MIER1: variants seen among roughly 807,000 people sequenced by gnomAD.
MIER1 encodes mesoderm induction early response protein 1.
Under a neutral mutation model 75.7 loss-of-function variants are expected in MIER1, and 40 were observed. The observed-to-expected ratio is 0.53, with a 90% CI of 0.41 to 0.69. MIER1 has a LOEUF of 0.69. Ranked by LOEUF, MIER1 falls within the 30% of genes least tolerant of loss-of-function variation. The pLI is 0.00. For missense variants in MIER1, 574 were observed against 680.2 expected, an observed-to-expected ratio of 0.84 and a Z score of 1.74; for synonymous variants, 213 against 223.4, an observed-to-expected ratio of 0.95 and a Z score of 0.42.
chr1:66,963,741 C>G (rs1478433723), intron 8 of MIER1, among the ~76,000 whole-genome samples: 2 of 152,050 alleles, frequency 1.3e-5, no homozygotes, highest in African/African-American at 4.8e-5. Context: ...AACCCCGTCT[C>G]TACTAAAAAT....
intron 2 of MIER1, among the ~76,000 whole-genome samples, chr1:66,927,738 T>C (rs1372699321): frequency 6.6e-6 from 1 of 152,080 alleles, no homozygotes; most frequent in Non-Finnish European, 1.5e-5. Flanking sequence ...GAGCAGCCTT[T>C]TTATGAGATA....
chr1:66,928,872 T>A, intron 2 of MIER1: 1 of 1,574,626 alleles, frequency 6.4e-7, no homozygotes, highest in African/African-American at 1.3e-5. Flanking sequence ...CTTCTTTCCC[T>A]TGCTTTTCTT....
intron 2 of MIER1, chr1:66,928,819 A>G: frequency 2.0e-6 from 2 of 997,638 alleles, no homozygotes; most frequent in South Asian, 2.9e-5. Context: ...AGTTAATGGT[A>G]AAAATTGTTT....
chr1:66,939,776 C>T (rs926639197), intron 2 of MIER1, among the ~76,000 whole-genome samples: 1 of 151,962 alleles, frequency 6.6e-6, no homozygotes, highest in African/African-American at 2.4e-5. Context: ...AATCTGAATT[C>T]TATACTATTG....
intron 8 of MIER1, among the ~76,000 whole-genome samples, chr1:66,965,816 T>C (rs2985797): frequency 0.78 from 118,981 of 152,060 alleles, 46,915 homozygotes; most frequent in East Asian, 0.88. Flanking sequence ...TTTCCCGGAC[T>C]GACCTTCCCA....
chr1:66,954,458 G>A (rs961957550), intron 4 of MIER1, among the ~76,000 whole-genome samples: 1 of 152,134 alleles, frequency 6.6e-6, no homozygotes. Context: ...TTTAGTTACT[G>A]TAAATGGTAT....
intron 11 of MIER1, among the ~76,000 whole-genome samples, chr1:66,975,278 G>A (rs1411759182): frequency 6.6e-6 from 1 of 152,168 alleles, no homozygotes; most frequent in Non-Finnish European, 1.5e-5. Context: ...TGTTATCTCA[G>A]TACTTTGGGA....
intron 7 of MIER1, among the ~76,000 whole-genome samples, chr1:66,961,447 C>T (rs1191772386): frequency 1.3e-5 from 2 of 152,180 alleles, no homozygotes; most frequent in Non-Finnish European, 2.9e-5. Flanking sequence ...GATATGTTAA[C>T]ACATAATGAT....
chr1:66,963,520 A>G (rs1661674395), intron 8 of MIER1, among the ~76,000 whole-genome samples: 2 of 152,150 alleles, frequency 1.3e-5, no homozygotes, highest in Non-Finnish European at 1.5e-5. Flanking sequence ...TTTTATATCA[A>G]TGAAAGGCAT....
Position 66,970,872 on chromosome 1 carries a change from A to G in MIER1, c.837A>G (p.Ile279Met). ...PEYLPEDKVI[I>M]FLKDASRRTG... is the part of the protein sequence containing the mutation. ...ACTTACCAGAAGATAAAGTGATTATATTTCTTAAAGATGCATCTAGAAGAA... is the reference window on the plus strand; with the variant it reads ...ACTTACCAGAAGATAAAGTGATTATGTTTCTTAAAGATGCATCTAGAAGAA... The change falls in exon 9 of 14, where the codon ATA (isoleucine) becomes ATG (methionine). Residue 279 changes from isoleucine (I) to methionine (M), a missense_variant. Ile to Met is a conservative substitution (Grantham distance 10, BLOSUM62 1). Coordinates refer to ENST00000401041, the MANE Select transcript of MIER1 (RefSeq NM_001077700.3). 1 of 1,598,374 alleles carries G rather than the reference A, an allele frequency of 6.3e-7. No homozygotes were observed.
chr1:66,930,251 T>C (rs1652801514), intron 2 of MIER1: 9 of 1,497,282 alleles, frequency 6.0e-6, no homozygotes, highest in Non-Finnish European at 8.0e-6. Context: ...GGGCGGCTCC[T>C]GCGCGTTCCC....
Position 66,958,093 on chromosome 1 carries a change from T to C in MIER1, c.374T>C (p.Leu125Pro). 6.2e-7 allele frequency: 1 copy of C among 1,609,052 alleles called. No individual in the cohort carries two copies. Among genetic ancestry groups the C allele is most frequent in the Non-Finnish European group, 8.5e-7 (1 of 1,177,254 alleles). ...ATGCCAATTCATGAACTTCTCAGCC[T>C]TTATGGTTATGGTAGTACTGTTCGA... ...GDMPIHELLS[L>P]YGYGSTVRLP... Residue 125 changes from leucine (L) to proline (P), a missense_variant, in exon 5 of 14, where the codon CTT (leucine) becomes CCT (proline). Coordinates refer to ENST00000401041, the MANE Select transcript of MIER1 (RefSeq NM_001077700.3).
In MIER1 at chr1:66,986,700, A is replaced by G. The variant is rs911276042; in HGVS notation, c.*1800A>G. 1.8e-5 allele frequency: 7 copies of G among 395,346 alleles called. No homozygotes were observed. The highest frequency in any genetic ancestry group is 6.0e-4 in the Middle Eastern group (1 of 1,672). 24.5% of individuals were successfully genotyped at this position (395,346 alleles called of 1,614,324 possible). A position where few individuals can be genotyped will look rare whatever the true frequency, so the allele number is the denominator to read the frequency against. ...ATGTACATTCACTGTTGTTACATACATATCTAAGTAAATCAAAGTTTTGGG... is the reference window on the plus strand; with the variant it reads ...ATGTACATTCACTGTTGTTACATACGTATCTAAGTAAATCAAAGTTTTGGG... On this transcript the variant is annotated 3_prime_UTR_variant, in exon 14 of 14. Coordinates refer to ENST00000401041, the MANE Select transcript of MIER1 (RefSeq NM_001077700.3).
intron 4 of MIER1, among the ~76,000 whole-genome samples, chr1:66,957,635 TC>T (rs766309836): frequency 7.9e-6 from 1 of 126,926 alleles, no homozygotes; most frequent in South Asian, 2.7e-4. Flanking sequence ...CTCTGAATTT[TC>T]GTCTGCCTTT....
intron 11 of MIER1, among the ~76,000 whole-genome samples, chr1:66,975,667 A>G (rs192444567): frequency 5.3e-5 from 8 of 152,346 alleles, no homozygotes; most frequent in Admixed American, 2.0e-4. Context: ...TTCTGTCAGC[A>G]TCATTTAATT....
chr1:66,934,029 C>T (rs1654074404), intron 2 of MIER1, among the ~76,000 whole-genome samples: 1 of 152,078 alleles, frequency 6.6e-6, no homozygotes, highest in Non-Finnish European at 1.5e-5. Flanking sequence ...GGGGCTTGTT[C>T]TGTTTGTCTT....
At chr1:66,955,336 GTTTTTTTT>G (rs34006160) in intron 4 of MIER1, among the ~76,000 whole-genome samples, 7 of 59,970 alleles carry the variant, frequency 1.2e-4, no homozygotes, top group East Asian at 5.5e-4. Context: ...CATCACCTGA[GTTTTTTTT>G]TTTTTTTTTT....
rs1666844207 is a variant in MIER1, at chr1:66,986,796, G to T, written c.*1896G>T. 1 of 205,880 alleles carries T rather than the reference G, an allele frequency of 4.9e-6. No individual in the cohort carries two copies. Among genetic ancestry groups the T allele is most frequent in the African/African-American group, 2.3e-5 (1 of 43,742 alleles). The allele number at this position is 205,880 out of a possible 1,614,324, so 12.8% of individuals were successfully genotyped here. ...TAAAACTTTTAATTTATCCAGAATG[G>T]CAGTAGCTTTAGCAAGCAGATGGTC... On this transcript the variant is annotated 3_prime_UTR_variant, in exon 14 of 14. Transcript: ENST00000401041.
intron 7 of MIER1, among the ~76,000 whole-genome samples, chr1:66,961,040 CCT>C (rs1303786344): frequency 2.6e-5 from 4 of 151,920 alleles, no homozygotes; most frequent in African/African-American, 7.3e-5. Context: ...AGGTAGAACA[CCT>C]CTCATTGCTG....
Sources: allele counts gnomAD v4.1 joint callset (sites outside exome capture counted in the v4.1 genomes callset), GRCh38; gene constraint gnomAD v4.1.1; transcripts MANE v1.5; gene names NCBI Gene and HGNC (gene_info 2026-07-23, HGNC 2026-07-21).